The following FAM219A variants were observed in gnomAD, a reference collection of about 807,000 sequenced individuals.
FAM219A encodes family with sequence similarity 219 member A.
FAM219A carries 7 observed loss-of-function variants against 23.4 expected under a neutral mutation model. The observed-to-expected ratio is 0.30, with a 90% CI of 0.17 to 0.56. The LOEUF (loss-of-function observed/expected upper bound fraction) is 0.56, where lower values mean the gene tolerates loss of function less well. Among genes scored for constraint, FAM219A ranks in the 20% least tolerant of loss-of-function variants. FAM219A has a pLI of 0.92. For synonymous variants in FAM219A, 93 were observed against 99.0 expected (o/e 0.94, Z 0.36); for missense variants, 166 against 246.9 (o/e 0.67, Z 2.20).
rs1238996453 is a variant in FAM219A, at chr9:34,401,023, C to T, written c.499G>A (p.Val167Met). 3 of 1,598,552 alleles carry T rather than the reference C, an allele frequency of 1.9e-6. No individual in the cohort carries two copies. The highest frequency in any genetic ancestry group is 2.3e-5 in the East Asian group (1 of 44,038). ...TGGCAGCACATGCACGTGGGGTTCA[C>T]GGACTTGGGGGGGATGAGGTCTAGG... The part of the protein sequence containing the change: ...EDLDLIPPKS[V>M]NPTCMCCQAT... Residue 167 changes from valine (V) to methionine (M), a missense_variant, in exon 6 of 6, where the codon GTG (valine) becomes ATG (methionine). Physicochemically the swap from Val to Met is conservative, Grantham distance 21 (BLOSUM62 1). Around this residue, in one of 3 missense-constraint regions of FAM219A, gnomAD observed 72 missense variants for 131.0 expected, o/e 0.55. Coordinates refer to ENST00000651358, the MANE Select transcript of FAM219A (RefSeq NM_001184940.2).
intron 1 of FAM219A, among the ~76,000 whole-genome samples, chr9:34,447,137 T>C (rs1293362635): frequency 6.6e-6 from 1 of 152,192 alleles, no homozygotes; most frequent in African/African-American, 2.4e-5. Flanking sequence ...TGTAGTGTAG[T>C]TTCTAACAAA....
chr9:34,413,070 AG>A (rs1821880409), intron 1 of FAM219A, among the ~76,000 whole-genome samples: 1 of 151,956 alleles, frequency 6.6e-6, no homozygotes, highest in African/African-American at 2.4e-5. Context: ...GAGATGTTTG[AG>A]GGGGCATGGT....
At chr9:34,430,192 C>A (rs374509007) in intron 1 of FAM219A, among the ~76,000 whole-genome samples, 3 of 152,090 alleles carry the variant, frequency 2.0e-5, no homozygotes, top group African/African-American at 7.2e-5. Flanking sequence ...AGAGGTCATG[C>A]CCCTTTCACA....
At chr9:34,416,184 AAAGAAAGAAAG>A (rs1251781415) in intron 1 of FAM219A, among the ~76,000 whole-genome samples, 2 of 5,200 alleles carry the variant, frequency 3.8e-4, no homozygotes, top group Non-Finnish European at 9.2e-4. Context: ...AAGAAAGAGA[AAAGAAAGAAAG>A]AAAGAAAGAA....
intron 1 of FAM219A, among the ~76,000 whole-genome samples, chr9:34,436,347 G>A (rs1262547671): frequency 6.6e-6 from 1 of 151,784 alleles, no homozygotes; most frequent in Non-Finnish European, 1.5e-5. Flanking sequence ...GGGTTCAAGT[G>A]ATCCTCCCAC....
At chr9:34,441,976 G>A (rs1376757182) in intron 1 of FAM219A, among the ~76,000 whole-genome samples, 1 of 152,096 alleles carries the variant, frequency 6.6e-6, no homozygotes, top group Non-Finnish European at 1.5e-5. Flanking sequence ...CTCCTGCCTT[G>A]GCCACCCAAA....
chr9:34,402,134 G>T, intron 4 of FAM219A: 1 of 1,444,792 alleles, frequency 6.9e-7, no homozygotes, highest in Non-Finnish European at 9.1e-7. Context: ...GGCCAATTAG[G>T]GACAACCATT....
At chr9:34,432,157 C>T (rs1468155481) in intron 1 of FAM219A, among the ~76,000 whole-genome samples, 2 of 152,292 alleles carry the variant, frequency 1.3e-5, no homozygotes, top group Non-Finnish European at 2.9e-5. Flanking sequence ...TGGGCCTCAG[C>T]TCTTTTGCCC....
intron 1 of FAM219A, among the ~76,000 whole-genome samples, chr9:34,452,337 G>T (rs2132021687): frequency 6.6e-6 from 1 of 152,286 alleles, no homozygotes; most frequent in African/African-American, 2.4e-5. Flanking sequence ...AGCCTTCTCT[G>T]TTATAAGAAG....
intron 1 of FAM219A, among the ~76,000 whole-genome samples, chr9:34,446,646 C>G (rs79997629): frequency 0.05 from 7,571 of 152,314 alleles, 274 homozygotes; most frequent in Non-Finnish European, 0.065. Flanking sequence ...CCCTGTGAAG[C>G]TACAGATAAC....
At chr9:34,431,086 G>C (rs1449715248) in intron 1 of FAM219A, among the ~76,000 whole-genome samples, 3 of 152,214 alleles carry the variant, frequency 2.0e-5, no homozygotes, top group Non-Finnish European at 2.9e-5. Flanking sequence ...TGGCCCGCAT[G>C]AACTGAAGTA....
At chr9:34,401,821 C>T (rs374830232) in intron 4 of FAM219A, 101 bp from the exon 5 acceptor site, 30 of 1,293,750 alleles carry the variant, frequency 2.3e-5, no homozygotes, top group Non-Finnish European at 3.3e-5. Flanking sequence ...ACCTCCCTTA[C>T]AGTTCCAAAT....
In FAM219A at chr9:34,425,930, A is replaced by C. The variant is rs138893044; in HGVS notation, c.61-19966T>G. Among the ~76,000 whole-genome samples the C allele has an allele frequency of 2.7e-3, 410 of 152,336 alleles. 1 individual carries two copies. The highest frequency in any genetic ancestry group is 9.6e-3 in the African/African-American group (400 of 41,572). On this transcript the variant is annotated intron_variant, in intron 1 of 5. Coordinates refer to ENST00000651358, the MANE Select transcript of FAM219A (RefSeq NM_001184940.2). Reference sequence around the variant, plus strand: ...GCATTTTAAGTAACCCAATAGGCTGAAATATTTTTGTTGTGAAGGGAATGC... The same window carrying C: ...GCATTTTAAGTAACCCAATAGGCTGCAATATTTTTGTTGTGAAGGGAATGC...
At chr9:34,432,725 G>A (rs1054403894) in intron 1 of FAM219A, among the ~76,000 whole-genome samples, 2 of 152,088 alleles carry the variant, frequency 1.3e-5, no homozygotes, top group South Asian at 2.1e-4. Context: ...TTCCACTGGC[G>A]TCACGTTCCT....
chr9:34,444,785 A>G (rs551334282), intron 1 of FAM219A, among the ~76,000 whole-genome samples: 15 of 152,308 alleles, frequency 9.8e-5, no homozygotes, highest in African/African-American at 3.4e-4. Flanking sequence ...TTCTCATAGC[A>G]GCCTTACCTG....
chr9:34,458,196 C>T lies in FAM219A; in HGVS notation c.60+8G>A, dbSNP rs760894337. The T allele has an allele frequency of 1.9e-6, 3 of 1,587,116 alleles. No homozygotes were observed. The highest frequency in any genetic ancestry group is 2.6e-6 in the Non-Finnish European group (3 of 1,171,710). On this transcript the variant is annotated splice_region_variant and intron_variant, in intron 1 of 5. Transcript: ENST00000651358. The surrounding 1 kb of genome is among the most constrained non-coding windows in gnomAD (Gnocchi z 6.6). Reference sequence around the variant, plus strand: ...CGGCCTTGGCCTGCCCGCCGCCCGCCCCCTCACCAGCGGCTGCATCTCCGA... The same window carrying T: ...CGGCCTTGGCCTGCCCGCCGCCCGCTCCCTCACCAGCGGCTGCATCTCCGA...
chr9:34,422,658 T>C (rs1404932511), intron 1 of FAM219A, among the ~76,000 whole-genome samples: 2 of 152,118 alleles, frequency 1.3e-5, no homozygotes, highest in African/African-American at 4.8e-5. Context: ...TTGGAGCCAC[T>C]GAAGCAGTCG....
intron 1 of FAM219A, 125 bp from the exon 2 acceptor site, chr9:34,406,089 G>T: frequency 9.6e-7 from 1 of 1,043,524 alleles, no homozygotes; most frequent in Non-Finnish European, 1.4e-6. Flanking sequence ...CCTCAGAGCA[G>T]GCAGGGCATT....
chr9:34,429,449 G>T (rs1822610593), intron 1 of FAM219A, among the ~76,000 whole-genome samples: 1 of 152,208 alleles, frequency 6.6e-6, no homozygotes, highest in African/African-American at 2.4e-5. Context: ...AGTGAGAGCT[G>T]CTCTGATTCA....
Sources: allele counts gnomAD v4.1 joint callset (sites outside exome capture counted in the v4.1 genomes callset), GRCh38; gene constraint gnomAD v4.1.1; regional missense constraint gnomAD v4.1.1; non-coding constraint Gnocchi (gnomAD v3.1); transcripts MANE v1.5; gene names NCBI Gene and HGNC (gene_info 2026-07-23, HGNC 2026-07-21).